Variants in PSME4 observed in about 807,000 individuals in gnomAD.
PSME4 encodes proteasome activator complex subunit 4.
A neutral mutation model predicts 253.9 loss-of-function variants in PSME4; 89 were observed. The ratio of observed to expected loss-of-function variants is 0.35; its 90% CI spans 0.30 to 0.42. The LOEUF is 0.42. Ranked by LOEUF, PSME4 falls within the 10% of genes least tolerant of loss-of-function variation. The probability of loss-of-function intolerance (pLI) is 1.00; values close to 1 mark genes in which losing one functional copy is unlikely to be tolerated. For synonymous variants in PSME4, 851 were observed against 759.2 expected (o/e 1.12, Z -1.99); for missense variants, 2,014 against 2,195.2 (o/e 0.92, Z 1.65).
At chr2:53,872,741 C>CAAAAAAAAA (rs61308177) in intron 43 of PSME4, among the ~76,000 whole-genome samples, 1 of 48,008 alleles carries the variant, frequency 2.1e-5, no homozygotes, top group African/African-American at 7.9e-5. Flanking sequence ...GACTTGGTCT[C>CAAAAAAAAA]AAAAAAAAAA....
chr2:53,864,173 C>T lies in PSME4; in HGVS notation c.*1405G>A, dbSNP rs935496915. The T allele has an allele frequency of 6.6e-6, 1 of 152,186 alleles. No homozygotes were observed. The highest frequency in any genetic ancestry group is 6.5e-5 in the Admixed American group (1 of 15,282). 9.4% of individuals were successfully genotyped at this position (152,186 alleles called of 1,614,324 possible). A position where few individuals can be genotyped will look rare whatever the true frequency, so the allele number is the denominator to read the frequency against. ...GCCTGTGTATGCCGACACTTAAATACTGTACCAGGACCACTGCTGTGCTTA... is the reference window on the plus strand; with the variant it reads ...GCCTGTGTATGCCGACACTTAAATATTGTACCAGGACCACTGCTGTGCTTA... On this transcript the variant is annotated 3_prime_UTR_variant, in exon 47 of 47. Coordinates refer to ENST00000404125, the MANE Select transcript of PSME4 (RefSeq NM_014614.3).
chr2:53,967,511 G>A (rs908869793), intron 1 of PSME4, among the ~76,000 whole-genome samples: 8 of 151,452 alleles, frequency 5.3e-5, no homozygotes, highest in African/African-American at 1.2e-4. Flanking sequence ...GCGTGGCAGC[G>A]CACAACTGTA....
In PSME4 at chr2:53,895,568, C is replaced by A; in HGVS notation, c.3842+15G>T. ...CAAAGGCATTTAATGATAAGGTGCA[C>A]AGTAAGTTACTTACTTTGGCCAGGT... is the stretch of plus-strand genomic sequence containing the variant. On this transcript the variant is annotated intron_variant, in intron 33 of 46. Transcript: ENST00000404125. The A allele has an allele frequency of 1.3e-6, 2 of 1,598,932 alleles. No homozygotes were observed. The highest frequency in any genetic ancestry group is 1.1e-5 in the South Asian group (1 of 87,750).
In PSME4 at chr2:53,934,700, T is replaced by A; in HGVS notation, c.862A>T (p.Asn288Tyr). The A allele has an allele frequency of 6.3e-7, 1 of 1,596,758 alleles. No homozygotes were observed. Residue 288 changes from asparagine (N) to tyrosine (Y), a missense_variant, in exon 8 of 47, where the codon AAC becomes TAC. This residue lies in a region of PSME4 where 615 missense variants were observed against 594.4 expected (regional missense o/e 1.03). Transcript: ENST00000404125. ...KIFTRILRSL[N>Y]LPVGSSQVLV... Reference sequence around the variant, plus strand: ...ACTTGACTGCTTCCCACTGGGAGGTTCAAGCTTCTCAGAATTCTTGTAAAT... The same window carrying A: ...ACTTGACTGCTTCCCACTGGGAGGTACAAGCTTCTCAGAATTCTTGTAAAT...
At chr2:53,970,470 A>AT in intron 1 of PSME4, 73 bp downstream of exon 1, 3 of 1,543,378 alleles carry the variant, frequency 1.9e-6, no homozygotes, top group Non-Finnish European at 2.6e-6. Context: ...CCTCTGGACA[A>AT]AGAGCAACCA....
At chr2:53,925,910 G>C in intron 13 of PSME4, 49 bp downstream of exon 13, 1 of 1,538,078 alleles carries the variant, frequency 6.5e-7, no homozygotes. Flanking sequence ...GGATAGAAGA[G>C]TCATTTTCTA....
intron 1 of PSME4, among the ~76,000 whole-genome samples, chr2:53,956,455 G>C (rs552380248): frequency 9.9e-5 from 15 of 151,570 alleles, no homozygotes; most frequent in Non-Finnish European, 1.6e-4. Context: ...GCTTGAACCC[G>C]GGAGGCGGAG....
chr2:53,898,227 A>T (rs899749665), intron 30 of PSME4, 74 bp downstream of exon 30: 1 of 1,374,612 alleles, frequency 7.3e-7, no homozygotes, highest in African/African-American at 1.5e-5. Context: ...AGTCATTCAT[A>T]GCCTTCCATG....
intron 1 of PSME4, among the ~76,000 whole-genome samples, chr2:53,961,175 T>C (rs1670481395): frequency 1.3e-5 from 2 of 152,182 alleles, no homozygotes; most frequent in Non-Finnish European, 2.9e-5. Flanking sequence ...AGGTTCCAAA[T>C]GGGAATATTT....
At chr2:53,969,149 T>C (rs371209874) in intron 1 of PSME4, among the ~76,000 whole-genome samples, 1 of 152,300 alleles carries the variant, frequency 6.6e-6, no homozygotes, top group South Asian at 2.1e-4. Flanking sequence ...TATAAAATAT[T>C]CTTTTTTGAC....
intron 3 of PSME4, 56 bp downstream of exon 3, chr2:53,948,365 C>T (rs1040855722): frequency 3.0e-6 from 3 of 1,005,112 alleles, no homozygotes; most frequent in East Asian, 2.4e-5. Context: ...ATCATGATCA[C>T]CCCCCTAAAA....
chr2:53,877,591 A>G (rs79418706), intron 41 of PSME4, among the ~76,000 whole-genome samples: 7,106 of 152,230 alleles, frequency 0.047, 398 homozygotes, highest in East Asian at 0.3. Flanking sequence ...TTCCTCCTAA[A>G]CCTACTTAAC....
chr2:53,866,756 C>T lies in PSME4; in HGVS notation c.5388G>A (p.Gln1796=). ...TAAGGAAGAACTGTACCTCAATAGG[C>T]TGAGGATCATTTAGATGTGCACTGA... ...MNLSAHLNDP[Q]PIEMTVKKTL... Residue 1796 remains glutamine, a synonymous_variant, in exon 45 of 47, where the codon CAG becomes CAA. Coordinates refer to ENST00000404125, the MANE Select transcript of PSME4 (RefSeq NM_014614.3). 6.2e-7 allele frequency: 1 copy of T among 1,613,330 alleles called. No homozygotes were observed. The highest frequency in any genetic ancestry group is 8.5e-7 in the Non-Finnish European group (1 of 1,179,476).
chr2:53,896,406 T>A (rs1020537678), intron 32 of PSME4, among the ~76,000 whole-genome samples: 2 of 152,182 alleles, frequency 1.3e-5, no homozygotes, highest in Non-Finnish European at 2.9e-5. Context: ...AATCCTGGAT[T>A]GGAGACCAGA....
intron 1 of PSME4, among the ~76,000 whole-genome samples, chr2:53,957,684 A>G (rs1307674587): frequency 6.6e-6 from 1 of 152,192 alleles, no homozygotes; most frequent in Non-Finnish European, 1.5e-5. Flanking sequence ...ATTCCCACCA[A>G]ATAAGCAGAG....
intron 17 of PSME4, among the ~76,000 whole-genome samples, chr2:53,922,045 G>A (rs899237969): frequency 6.6e-6 from 1 of 151,414 alleles, no homozygotes; most frequent in Non-Finnish European, 1.5e-5. Context: ...GGTGGCGGAT[G>A]CCTGTAGTCC....
intron 1 of PSME4, among the ~76,000 whole-genome samples, chr2:53,950,206 G>A (rs1669910854): frequency 6.6e-6 from 1 of 151,978 alleles, no homozygotes; most frequent in Non-Finnish European, 1.5e-5. Context: ...CTGGAGCCCA[G>A]GAAGTCAAGG....
At chr2:53,906,783 CTA>C in intron 25 of PSME4, 21 bp downstream of exon 25, 1 of 1,609,756 alleles carries the variant, frequency 6.2e-7, no homozygotes, top group Non-Finnish European at 8.5e-7. Flanking sequence ...TAAAAAGTCA[CTA>C]TGACTGAAAA....
chr2:53,895,358 C>T (rs181491455), intron 33 of PSME4, among the ~76,000 whole-genome samples: 17 of 152,252 alleles, frequency 1.1e-4, no homozygotes, highest in African/African-American at 3.4e-4. Context: ...TATTAATAAC[C>T]TCCTTAGCCA....
Sources: gnomAD v4.1 joint callset for allele counts (sites outside exome capture counted in the v4.1 genomes callset) on GRCh38, gnomAD v4.1.1 for gene constraint, gnomAD v4.1.1 regional missense constraint, MANE v1.5 for transcripts, NCBI Gene and HGNC (gene_info 2026-07-23, HGNC 2026-07-21) for gene names.